PRKN: variants seen among roughly 807,000 people sequenced by gnomAD.
The protein encoded by PRKN is parkin RBR E3 ubiquitin protein ligase.
PRKN carries 56 observed loss-of-function variants against 59.5 expected under a neutral mutation model. The ratio of observed to expected loss-of-function variants is 0.94; its 90% CI spans 0.76 to 1.18. The LOEUF is 1.18. Ranked by LOEUF, PRKN falls within the 50% of genes most tolerant of loss-of-function variation. The pLI, the probability that PRKN is intolerant of heterozygous loss-of-function variation, is 0.00. For synonymous variants in PRKN, 250 were observed against 222.1 expected, an observed-to-expected ratio of 1.13 and a Z score of -1.12; for missense variants, 657 against 596.4, an observed-to-expected ratio of 1.10 and a Z score of -1.06.
intron 5 of PRKN, among the ~76,000 whole-genome samples, chr6:162,028,046 CAGAA>C (rs1418836319): frequency 6.6e-6 from 1 of 151,848 alleles, no homozygotes; most frequent in Non-Finnish European, 1.5e-5. Context: ...TTCCAAAGAA[CAGAA>C]AGAAAGATGG....
intron 9 of PRKN, among the ~76,000 whole-genome samples, chr6:161,512,060 A>T (rs950867084): frequency 2.0e-5 from 3 of 152,238 alleles, no homozygotes; most frequent in Non-Finnish European, 4.4e-5. Context: ...AGCCAAAGTG[A>T]CAAAAATTAT....
intron 7 of PRKN, among the ~76,000 whole-genome samples, chr6:161,628,961 A>T (rs963340898): frequency 3.3e-5 from 5 of 152,212 alleles, no homozygotes; most frequent in Non-Finnish European, 4.4e-5. Flanking sequence ...GGAAATCTTC[A>T]ATAATTGATA....
chr6:162,595,311 A>G (rs1781459548), intron 1 of PRKN, among the ~76,000 whole-genome samples: 1 of 150,514 alleles, frequency 6.6e-6, no homozygotes, highest in Non-Finnish European at 1.5e-5. Flanking sequence ...CCTGGAGTGC[A>G]GTGGTGCAAT....
intron 1 of PRKN, among the ~76,000 whole-genome samples, chr6:162,658,660 AAAAAAAAAAAAAAG>A (rs1223074488): frequency 7.8e-4 from 5 of 6,430 alleles, no homozygotes; most frequent in African/African-American, 2.2e-3. Flanking sequence ...GACTCTGTCA[AAAAAAAAAAAAAAG>A]AAAAAAAAAA....
intron 6 of PRKN, among the ~76,000 whole-genome samples, chr6:161,899,317 T>C (rs1777792511): frequency 6.6e-6 from 1 of 152,250 alleles, no homozygotes; most frequent in Non-Finnish European, 1.5e-5. Flanking sequence ...ATCAATTTTT[T>C]ACAAAGGTTA....
At position 162,207,248 on chromosome 6, in the gene PRKN, T is replaced by C. The variant is rs1351374440; in HGVS notation, c.413-5996A>G. Among the ~76,000 whole-genome samples, 8 of 152,186 alleles carry C rather than the reference T, an allele frequency of 5.3e-5. No homozygotes were observed. In the East Asian group the frequency reaches 1.4e-3, roughly 26 times the overall value. On this transcript the variant is annotated intron_variant, in intron 3 of 11. Transcript: ENST00000366898. ...TTAGCCGGCTTGGTGGCCGGACCCC[T>C]GTAGTCCCAGCTGCTCGGGAGGCTG...
At chr6:161,701,988 T>C (rs1450483359) in intron 7 of PRKN, among the ~76,000 whole-genome samples, 3 of 152,194 alleles carry the variant, frequency 2.0e-5, no homozygotes, top group Non-Finnish European at 4.4e-5. Context: ...AAACCAATGA[T>C]GCTACTGCAC....
At chr6:161,381,774 G>A (rs1035761329) in intron 10 of PRKN, among the ~76,000 whole-genome samples, 3 of 152,138 alleles carry the variant, frequency 2.0e-5, no homozygotes, top group African/African-American at 7.2e-5. Context: ...GCCAGGCACT[G>A]CAGGATACAG....
At chr6:162,106,629 C>T (rs1181032783) in intron 4 of PRKN, among the ~76,000 whole-genome samples, 3 of 152,134 alleles carry the variant, frequency 2.0e-5, no homozygotes, top group Non-Finnish European at 2.9e-5. Flanking sequence ...GGACTTTGCA[C>T]AAATCAGAAG....
chr6:161,909,463 G>A lies in PRKN; in HGVS notation c.734+63839C>T, dbSNP rs148144076. 2.4e-3 allele frequency among the ~76,000 whole-genome samples: 372 copies of A among 152,164 alleles called. 1 individual carries two copies. The highest frequency in any genetic ancestry group is 3.6e-3 in the Non-Finnish European group (247 of 68,000). On this transcript the variant is annotated intron_variant, in intron 6 of 11. Coordinates refer to ENST00000366898, the MANE Select transcript of PRKN (RefSeq NM_004562.3). ...GATTAAAAAAAAAGAATCTCCAGTC[G>A]TTTACACTGGAAAACGAGAGAGAGC...
intron 7 of PRKN, among the ~76,000 whole-genome samples, chr6:161,669,895 C>T (rs1024053349): frequency 6.6e-6 from 1 of 152,190 alleles, no homozygotes; most frequent in Admixed American, 6.6e-5. Context: ...TCACGTGAGC[C>T]CAGCCTGCAG....
intron 2 of PRKN, among the ~76,000 whole-genome samples, chr6:162,304,236 T>C (rs1782108653): frequency 6.6e-6 from 1 of 150,810 alleles, no homozygotes; most frequent in Non-Finnish European, 1.5e-5. Flanking sequence ...GCAGGACTCA[T>C]GACTCGTCTA....
At chr6:162,657,269 G>A (rs1007689849) in intron 1 of PRKN, among the ~76,000 whole-genome samples, 2 of 152,038 alleles carry the variant, frequency 1.3e-5, no homozygotes, top group African/African-American at 2.4e-5. Flanking sequence ...GACATATTTT[G>A]TATATTATAT....
At chr6:161,506,104 AATTACCT>A (rs1778159317) in intron 9 of PRKN, among the ~76,000 whole-genome samples, 1 of 150,726 alleles carries the variant, frequency 6.6e-6, no homozygotes, top group African/African-American at 2.4e-5. Flanking sequence ...TGAATCTATA[AATTACCT>A]TGGGCAGTAT....
intron 1 of PRKN, among the ~76,000 whole-genome samples, chr6:162,565,346 G>C (rs911689752): frequency 6.6e-6 from 1 of 152,158 alleles, no homozygotes; most frequent in Middle Eastern, 3.4e-3. Flanking sequence ...ACAAAACAAC[G>C]AGAAAACAAA....
In PRKN at chr6:162,019,061, G is replaced by T. The variant is rs142568872; in HGVS notation, c.618+35030C>A. ...ATCAACCATACTTAGATGGTTTACT[G>T]ACTCATACAACATTTCAGGAAGAGC... On this transcript the variant is annotated intron_variant, in intron 5 of 11. Transcript: ENST00000366898. 5.8e-3 allele frequency among the ~76,000 whole-genome samples: 882 copies of T among 152,190 alleles called. 5 individuals are homozygous for T. Among genetic ancestry groups the T allele is most frequent in the Middle Eastern group, 0.01 (3 of 294 alleles).
intron 5 of PRKN, among the ~76,000 whole-genome samples, chr6:162,034,188 G>T (rs2156260): frequency 0.55 from 54,484 of 98,458 alleles, 11,219 homozygotes; most frequent in Non-Finnish European, 0.6. Flanking sequence ...TATATATATA[G>T]AGAGAGAGAG....
chr6:162,262,635 C>T lies in PRKN; in HGVS notation c.302G>A (p.Ser101Asn). 1.9e-6 allele frequency: 3 copies of T among 1,613,854 alleles called. No individual in the cohort carries two copies. In the South Asian group the frequency reaches 3.3e-5, roughly 18 times the overall value. Residue 101 changes from serine (S) to asparagine (N), a missense_variant, in exon 3 of 12, where the codon AGC becomes AAC. Coordinates refer to ENST00000366898, the MANE Select transcript of PRKN (RefSeq NM_004562.3). Reference protein sequence around the residue: ...AAGGCEREPQSLTRVDLSSSV... With the variant: ...AAGGCEREPQNLTRVDLSSSV... ...GCTGCTGAGGTCCACCCGAGTCAAG[C>T]TCTGGGGCTCCCGCTCACAGCCTCC...
At chr6:162,716,796 A>G (rs1468292459) in intron 1 of PRKN, among the ~76,000 whole-genome samples, 1 of 151,174 alleles carries the variant, frequency 6.6e-6, no homozygotes, top group African/African-American at 2.5e-5. Context: ...GCACACACAC[A>G]CACACACACA....
Sources: gnomAD v4.1 joint callset for allele counts (sites outside exome capture counted in the v4.1 genomes callset) on GRCh38, gnomAD v4.1.1 for gene constraint, MANE v1.5 for transcripts, NCBI Gene and HGNC (gene_info 2026-07-23, HGNC 2026-07-21) for gene names.